The following GABRD variants were observed in gnomAD, a reference collection of about 807,000 sequenced individuals.
The protein encoded by GABRD is gamma-aminobutyric acid receptor subunit delta.
GABRD carries 25 observed loss-of-function variants against 47.3 expected under a neutral mutation model. The observed-to-expected ratio is 0.53, with a 90% CI of 0.39 to 0.74. The LOEUF is 0.74. Among genes scored for constraint, GABRD ranks in the 30% least tolerant of loss-of-function variants. The pLI is 0.00. For synonymous variants in GABRD, 314 were observed against 278.8 expected, an observed-to-expected ratio of 1.13 and a Z score of -1.26; for missense variants, 497 against 643.4, an observed-to-expected ratio of 0.77 and a Z score of 2.46.
chr1:2,027,990 G>A lies in GABRD; in HGVS notation c.554-165G>A, dbSNP rs560985861. 1.4e-4 allele frequency: 105 copies of A among 741,710 alleles called. No individual in the cohort carries two copies. The African/African-American group carries it at 1.6e-3, about 12-fold the overall frequency. 45.9% of individuals were successfully genotyped at this position (741,710 alleles called of 1,614,324 possible). On this transcript the variant is annotated intron_variant, in intron 5 of 8. Transcript: ENST00000378585. ...ATCCACCTGCCCGGAGGAGCCCGAC[G>A]TGGTCCCAGAGCCGAAGGTCTCCTC...
intron 4 of GABRD, 30 bp downstream of exon 4, chr1:2,025,768 G>A (rs1658906509): frequency 6.3e-7 from 1 of 1,591,338 alleles, no homozygotes; most frequent in Non-Finnish European, 8.6e-7. Flanking sequence ...GGACTCCGGG[G>A]GAGAGCCTGC....
At chr1:2,026,970 A>G in intron 4 of GABRD, 1 of 166,410 alleles carries the variant, frequency 6.0e-6, no homozygotes, top group Admixed American at 5.5e-5. Context: ...CCTGGGCAAC[A>G]TAGGGAGATC....
At chr1:2,027,399 C>A in intron 4 of GABRD, 178 bp from the exon 5 acceptor site, 1 of 666,400 alleles carries the variant, frequency 1.5e-6, no homozygotes, top group Non-Finnish European at 2.7e-6. Flanking sequence ...TAAAGGAATA[C>A]TTGACGTCTA....
chr1:2,024,644 G>A (rs1191884172), intron 1 of GABRD: 5 of 238,954 alleles, frequency 2.1e-5, no homozygotes, highest in Non-Finnish European at 4.1e-5. Context: ...CCCACGCTGG[G>A]GGGCTCTGTC....
At chr1:2,026,146 T>C (rs1249878353) in intron 4 of GABRD, among the ~76,000 whole-genome samples, 1 of 152,208 alleles carries the variant, frequency 6.6e-6, no homozygotes, top group Non-Finnish European at 1.5e-5. Context: ...GCAGGTGCTC[T>C]CCACTCCGCC....
At position 2,028,313 on chromosome 1, in the gene GABRD, C is replaced by T. The variant is rs372205730; in HGVS notation, c.691+21C>T. The T allele has an allele frequency of 6.3e-7, 1 of 1,599,234 alleles. No homozygotes were observed. Among genetic ancestry groups the T allele is most frequent in the African/African-American group, 1.3e-5 (1 of 74,122 alleles). ...GTCCGGTAACATATGCCCGCCGCCCCTTCCGCATGTGCCCGCCGCCCCTTC... is the reference window on the plus strand; with the variant it reads ...GTCCGGTAACATATGCCCGCCGCCCTTTCCGCATGTGCCCGCCGCCCCTTC... On this transcript the variant is annotated intron_variant, in intron 6 of 8. Transcript: ENST00000378585. The surrounding 1 kb of genome is among the most constrained non-coding windows in gnomAD (Gnocchi z 6.4).
At chr1:2,025,878 C>G (rs1020984508) in intron 4 of GABRD, 140 bp downstream of exon 4, 1 of 680,226 alleles carries the variant, frequency 1.5e-6, no homozygotes, top group African/African-American at 1.8e-5. Context: ...GGGGCAGAAG[C>G]TGCGCGGTTA....
rs1192323455 is a variant in GABRD at position 2,028,830 on chromosome 1, T to C, written c.692-281T>C. Reference sequence around the variant, plus strand: ...GAGCCCTCCCCATTGGTTGCGAGGGTCCCTCAGGGCCAGTCCAGCAAACAT... The same window carrying C: ...GAGCCCTCCCCATTGGTTGCGAGGGCCCCTCAGGGCCAGTCCAGCAAACAT... On this transcript the variant is annotated intron_variant, in intron 6 of 8. Transcript: ENST00000378585. The surrounding 1 kb of genome is among the most constrained non-coding windows in gnomAD (Gnocchi z 6.4). 2 of 501,454 alleles carry C rather than the reference T, an allele frequency of 4.0e-6. No homozygotes were observed. Among genetic ancestry groups the C allele is most frequent in the Non-Finnish European group, 7.0e-6 (2 of 284,050 alleles). The allele number at this position is 501,454 out of a possible 1,614,324, so 31.1% of individuals were successfully genotyped here.
chr1:2,024,765 T>G, intron 1 of GABRD, 177 bp from the exon 2 acceptor site: 2 of 559,260 alleles, frequency 3.6e-6, no homozygotes, highest in Non-Finnish European at 6.5e-6. Flanking sequence ...CGGGGTTCCC[T>G]GTGTCCAGCC....
chr1:2,030,250 A>G lies in GABRD; in HGVS notation c.1327A>G (p.Asn443Asp). Residue 443 changes from asparagine to aspartate, a missense_variant, in exon 9 of 9, where the codon AAT (asparagine) becomes GAT (aspartate). Around this residue, in one of 3 missense-constraint regions of GABRD, gnomAD observed 121 missense variants for 121.3 expected, o/e 1.00. Transcript: ENST00000378585. ...AVFPAAFAAV[N>D]VIYWAAYAM is the part of the protein sequence containing the mutation. Reference sequence around the variant, plus strand: ...GTTCCCTGCGGCGTTTGCGGCCGTCAATGTCATCTACTGGGCGGCATACGC... The same window carrying G: ...GTTCCCTGCGGCGTTTGCGGCCGTCGATGTCATCTACTGGGCGGCATACGC... The G allele has an allele frequency of 6.4e-7, 1 of 1,559,276 alleles. No homozygotes were observed. Among genetic ancestry groups the G allele is most frequent in the Non-Finnish European group, 8.7e-7 (1 of 1,148,680 alleles).
rs1456692553 is a variant in GABRD, at chr1:2,025,504, T to G, written c.250-14T>G. 1 of 1,612,666 alleles carries G rather than the reference T, an allele frequency of 6.2e-7. No individual in the cohort carries two copies. Among genetic ancestry groups the G allele is most frequent in the Admixed American group, 1.7e-5 (1 of 60,030 alleles). On this transcript the variant is annotated splice_polypyrimidine_tract_variant and intron_variant, in intron 3 of 8. Transcript: ENST00000378585. ...GAGCAAGGCTGACCCCCGGCCCCTG[T>G]GCCACCTCCACAGGAGTACACCATG...
chr1:2,019,667 C>T (rs1390750717), intron 1 of GABRD, among the ~76,000 whole-genome samples, 176 bp downstream of exon 1: 2 of 151,610 alleles, frequency 1.3e-5, no homozygotes, highest in Admixed American at 6.6e-5. Flanking sequence ...TTGGACTCGC[C>T]CGGACGCTGC....
rs1204887150 is a variant in GABRD, at chr1:2,024,937, C to T, written c.69-5C>T. ...CCTGTCTGACCGGTGGCTTTGCATC[C>T]CCAGAGCGATGAATGACATCGGCGA... On this transcript the variant is annotated splice_polypyrimidine_tract_variant and splice_region_variant and intron_variant, in intron 1 of 8. Coordinates refer to ENST00000378585, the MANE Select transcript of GABRD (RefSeq NM_000815.5). The T allele has an allele frequency of 1.2e-6, 2 of 1,601,486 alleles. No individual in the cohort carries two copies. The highest frequency in any genetic ancestry group is 2.7e-5 in the African/African-American group (2 of 74,716).
rs953775778 is a variant in GABRD at position 2,030,611 on chromosome 1, T to C, written c.*329T>C. ...ATGTTCAGAAAGTGATCCTGGTTTC[T>C]AGGTCTTTGCTCTGCAGGATCGGGA... On this transcript the variant is annotated 3_prime_UTR_variant, in exon 9 of 9. Coordinates refer to ENST00000378585, the MANE Select transcript of GABRD (RefSeq NM_000815.5). 1 of 243,994 alleles carries C rather than the reference T, an allele frequency of 4.1e-6. No individual in the cohort carries two copies. The highest frequency in any genetic ancestry group is 7.8e-6 in the Non-Finnish European group (1 of 127,644). The allele number at this position is 243,994 out of a possible 1,614,324, so 15.1% of individuals were successfully genotyped here. A position where few individuals can be genotyped will look rare whatever the true frequency, so the allele number is the denominator to read the frequency against.
chr1:2,025,932 C>T lies in GABRD; in HGVS notation c.470+194C>T, dbSNP rs1424609379. 67 of 600,516 alleles carry T rather than the reference C, an allele frequency of 1.1e-4. 1 individual carries two copies. Among genetic ancestry groups the T allele is most frequent in the South Asian group, 1.1e-3 (55 of 50,046 alleles). 37.2% of individuals were successfully genotyped at this position (600,516 alleles called of 1,614,324 possible). ...GCTGGGGAAACATCCGCTCCAAGGT[C>T]GCCGACAGGAAGCCGGCAGATGTGG... is the stretch of plus-strand genomic sequence containing the variant. On this transcript the variant is annotated intron_variant, in intron 4 of 8. Coordinates refer to ENST00000378585, the MANE Select transcript of GABRD (RefSeq NM_000815.5).
chr1:2,021,847 G>C (rs1157308439), intron 1 of GABRD, among the ~76,000 whole-genome samples: 1 of 152,208 alleles, frequency 6.6e-6, no homozygotes, highest in Non-Finnish European at 1.5e-5. Context: ...CCGTGGAGAA[G>C]CCTGCAGGGG....
intron 4 of GABRD, chr1:2,027,347 G>C (rs1440977693): frequency 6.9e-6 from 4 of 578,068 alleles, no homozygotes; most frequent in Non-Finnish European, 1.3e-5. Context: ...CAATAGTCAA[G>C]CGTTTTGAAG....
chr1:2,019,459 G>A lies in GABRD; in HGVS notation c.36G>A (p.Leu12=). Residue 12 remains leucine (L), a synonymous_variant, in exon 1 of 9, where the codon CTG becomes CTA. Coordinates refer to ENST00000378585, the MANE Select transcript of GABRD (RefSeq NM_000815.5). ...DAPARLLAPL[L]LLCAQQLRGT... is the part of the protein sequence containing the mutation. ...CCGCCCGGCTGCTGGCCCCGCTCCTGCTCCTCTGCGCGCAGCAGCTCCGCG... is the reference window on the plus strand; with the variant it reads ...CCGCCCGGCTGCTGGCCCCGCTCCTACTCCTCTGCGCGCAGCAGCTCCGCG... 9.0e-7 allele frequency: 1 copy of A among 1,111,724 alleles called. No individual in the cohort carries two copies. The highest frequency in any genetic ancestry group is 1.1e-6 in the Non-Finnish European group (1 of 912,584). The allele number at this position is 1,111,724 out of a possible 1,614,324, so 68.9% of individuals were successfully genotyped here. A position where few individuals can be genotyped will look rare whatever the true frequency, so the allele number is the denominator to read the frequency against.
At chr1:2,023,492 G>T in intron 1 of GABRD, 1 of 152,656 alleles carries the variant, frequency 6.6e-6, no homozygotes, top group Non-Finnish European at 1.5e-5. Flanking sequence ...GTCCTGGGGA[G>T]CCAGGCGTGG....
Sources: allele counts gnomAD v4.1 joint callset (sites outside exome capture counted in the v4.1 genomes callset), GRCh38; gene constraint gnomAD v4.1.1; regional missense constraint gnomAD v4.1.1; non-coding constraint Gnocchi (gnomAD v3.1); transcripts MANE v1.5; gene names NCBI Gene and HGNC (gene_info 2026-07-23, HGNC 2026-07-21).